The following ZNF438 variants were observed in gnomAD, a reference collection of about 807,000 sequenced individuals.
The protein encoded by ZNF438 is zinc finger protein 438.
ZNF438 carries 25 observed loss-of-function variants against 38.0 expected under a neutral mutation model. The ratio of observed to expected loss-of-function variants is 0.66; its 90% CI spans 0.48 to 0.92. The LOEUF is 0.92. ZNF438 is among the 40% of genes least tolerant of loss of function. The pLI is 0.00. For missense variants in ZNF438, 1,007 were observed against 999.6 expected (o/e 1.01, Z -0.10); for synonymous variants, 372 against 364.1 (o/e 1.02, Z -0.25).
intron 3 of ZNF438, among the ~76,000 whole-genome samples, chr10:30,898,079 G>T (rs940147083): frequency 3.3e-5 from 5 of 152,144 alleles, no homozygotes; most frequent in Non-Finnish European, 7.3e-5. Context: ...ATTAGTTTGG[G>T]GGGTTAACTT....
At chr10:31,030,487 T>G (rs192789312) in intron 1 of ZNF438, among the ~76,000 whole-genome samples, 18 of 152,356 alleles carry the variant, frequency 1.2e-4, no homozygotes, top group Non-Finnish European at 2.1e-4. Flanking sequence ...ATTTGCACTC[T>G]CGTGATCTCA....
exon 6 of ZNF438, chr10:30,845,056 G>C (rs1294710255): frequency 1.2e-6 from 2 of 1,614,052 alleles, no homozygotes; most frequent in Non-Finnish European, 1.7e-6. Context: ...CAGTTATGCT[G>C]GTGCTTCCAG....
intron 5 of ZNF438, among the ~76,000 whole-genome samples, chr10:30,846,837 T>TG (rs1287885129): frequency 6.6e-6 from 1 of 152,184 alleles, no homozygotes; most frequent in African/African-American, 2.4e-5. Flanking sequence ...CACCTGCTCC[T>TG]GCTGCCTGGC....
chr10:30,876,342 C>T (rs1335986454), intron 4 of ZNF438, among the ~76,000 whole-genome samples: 1 of 152,122 alleles, frequency 6.6e-6, no homozygotes, highest in Non-Finnish European at 1.5e-5. Context: ...CAGGGAAAGA[C>T]TGGTATTTCT....
At chr10:30,897,663 G>A (rs1032177695) in intron 3 of ZNF438, among the ~76,000 whole-genome samples, 1 of 152,184 alleles carries the variant, frequency 6.6e-6, no homozygotes, top group Non-Finnish European at 1.5e-5. Flanking sequence ...TCACAGAGAT[G>A]AGCTGTAAAC....
rs183552925 is a variant in ZNF438, at chr10:31,026,007, A to G, written c.-192+5826T>C. 4.9e-3 allele frequency among the ~76,000 whole-genome samples: 753 copies of G among 152,336 alleles called. 5 individuals carry two copies. Among genetic ancestry groups the G allele is most frequent in the Middle Eastern group, 0.034 (10 of 294 alleles). The stretch of plus-strand genomic sequence containing the variant: ...ATGGGGAAAGGATTCCCTATTTAAT[A>G]AACGGTGCTGGGAAAACTGGCTAGC... On this transcript the variant is annotated intron_variant, in intron 1 of 5. Coordinates refer to ENST00000413025, the Ensembl canonical transcript of ZNF438.
intron 1 of ZNF438, among the ~76,000 whole-genome samples, chr10:31,006,640 A>G (rs1230380906): frequency 1.3e-5 from 2 of 152,114 alleles, no homozygotes; most frequent in African/African-American, 2.4e-5. Flanking sequence ...AAGCACAGGT[A>G]GAGCCTCCTG....
rs565739530 is a variant in ZNF438, at chr10:30,900,901, T to A, written c.-32+8032A>T. 3.3e-5 allele frequency among the ~76,000 whole-genome samples: 5 copies of A among 152,342 alleles called. No homozygotes were observed. In the South Asian group the frequency reaches 1.0e-3, roughly 32 times the overall value. On this transcript the variant is annotated intron_variant, in intron 3 of 5. Transcript: ENST00000413025. ...ATTCTCAGTGAAAAATTAGGAACAG[T>A]AATCCCTGATTCCTTCCTGTGTGTG...
At chr10:30,988,325 T>C (rs1235437329) in intron 1 of ZNF438, among the ~76,000 whole-genome samples, 2 of 152,076 alleles carry the variant, frequency 1.3e-5, no homozygotes, top group African/African-American at 2.4e-5. Flanking sequence ...ATTTCAAATG[T>C]AGCAATCACA....
intron 3 of ZNF438, among the ~76,000 whole-genome samples, chr10:30,896,263 T>C (rs1194549680): frequency 7.2e-6 from 1 of 138,460 alleles, no homozygotes; most frequent in Non-Finnish European, 1.5e-5. Context: ...GCCACGGCAC[T>C]CCAGCCTGGG....
intron 3 of ZNF438, among the ~76,000 whole-genome samples, chr10:30,901,448 G>C (rs934480240): frequency 6.6e-6 from 1 of 151,246 alleles, no homozygotes; most frequent in African/African-American, 2.4e-5. Context: ...CCGCTGAGTC[G>C]GGGGTTGTTA....
At chr10:30,946,216 C>G (rs1384332778) in intron 1 of ZNF438, among the ~76,000 whole-genome samples, 1 of 152,184 alleles carries the variant, frequency 6.6e-6, no homozygotes, top group African/African-American at 2.4e-5. Flanking sequence ...AAGACTTAAA[C>G]ATTAGACCTA....
chr10:30,992,561 C>T (rs1490639999), intron 1 of ZNF438, among the ~76,000 whole-genome samples: 6 of 151,998 alleles, frequency 3.9e-5, no homozygotes, highest in South Asian at 4.1e-4. Context: ...TACAGGCATG[C>T]GCCACCAAGC....
At chr10:30,859,860 T>TA (rs2035291348) in intron 4 of ZNF438, among the ~76,000 whole-genome samples, 2 of 152,222 alleles carry the variant, frequency 1.3e-5, no homozygotes, top group African/African-American at 4.8e-5. Flanking sequence ...TCTGAATCCT[T>TA]AAAGTAGTGT....
chr10:31,024,365 G>A (rs774853697), intron 1 of ZNF438, among the ~76,000 whole-genome samples: 1 of 152,154 alleles, frequency 6.6e-6, no homozygotes, highest in Non-Finnish European at 1.5e-5. Context: ...AGTGGCTTAC[G>A]CCTGTAATCC....
chr10:30,882,542 A>G (rs566462027), intron 3 of ZNF438, among the ~76,000 whole-genome samples: 1 of 152,362 alleles, frequency 6.6e-6, no homozygotes, highest in African/African-American at 2.4e-5. Context: ...CTACATCACA[A>G]TAGAAATGAA....
At position 30,977,234 on chromosome 10, in the gene ZNF438, T is replaced by C. The variant is rs147337183; in HGVS notation, c.-191-35583A>G. 9.8e-5 allele frequency among the ~76,000 whole-genome samples: 15 copies of C among 152,342 alleles called. No individual in the cohort carries two copies. The East Asian group carries it at 2.7e-3, about 27-fold the overall frequency. On this transcript the variant is annotated intron_variant, in intron 1 of 5. Coordinates refer to ENST00000413025, the Ensembl canonical transcript of ZNF438. The stretch of plus-strand genomic sequence containing the variant: ...GAATACCATACCAATATATAGACAA[T>C]ATAGCAAACAGTATAAAGAAAAACT...
At chr10:30,933,376 T>C (rs945955798) in intron 2 of ZNF438, among the ~76,000 whole-genome samples, 3 of 152,234 alleles carry the variant, frequency 2.0e-5, no homozygotes, top group Admixed American at 6.5e-5. Flanking sequence ...TGTGGAAATA[T>C]GGATTTGTGC....
At chr10:30,929,771 T>C (rs762591153) in intron 2 of ZNF438, among the ~76,000 whole-genome samples, 9 of 152,210 alleles carry the variant, frequency 5.9e-5, no homozygotes, top group Non-Finnish European at 1.3e-4. Flanking sequence ...GATTGGTGCA[T>C]TTACAATCCT....
Sources: allele counts gnomAD v4.1 joint callset (sites outside exome capture counted in the v4.1 genomes callset), GRCh38; gene constraint gnomAD v4.1.1; transcripts MANE v1.5; gene names NCBI Gene and HGNC (gene_info 2026-07-23, HGNC 2026-07-21).